Variants in E2F3 observed in about 807,000 individuals in gnomAD.
E2F3 encodes E2F transcription factor 3.
In E2F3, 11 loss-of-function variants were observed where a neutral mutation model predicts 44.4. The ratio of observed to expected loss-of-function variants is 0.25; its 90% CI spans 0.16 to 0.41. The LOEUF (loss-of-function observed/expected upper bound fraction) is 0.41, where lower values mean the gene tolerates loss of function less well. Among genes scored for constraint, E2F3 ranks in the 10% least tolerant of loss-of-function variants. E2F3 has a pLI of 1.00. For missense variants in E2F3, 487 were observed against 583.6 expected (o/e 0.83, Z 1.70); for synonymous variants, 249 against 253.0 (o/e 0.98, Z 0.15).
intron 1 of E2F3, among the ~76,000 whole-genome samples, chr6:20,454,768 A>G (rs1581620813): frequency 1.3e-5 from 2 of 152,296 alleles, no homozygotes; most frequent in Admixed American, 1.3e-4. Flanking sequence ...ACTTCTGATG[A>G]CTGTTAGCCA....
chr6:20,411,201 GA>G (rs1759658837), intron 1 of E2F3, among the ~76,000 whole-genome samples: 1 of 152,176 alleles, frequency 6.6e-6, no homozygotes, highest in African/African-American at 2.4e-5. Context: ...CTACTAGCAT[GA>G]ATGACACTAT....
At chr6:20,444,983 T>C (rs2127597808) in intron 1 of E2F3, 4 of 720,414 alleles carry the variant, frequency 5.6e-6, no homozygotes, top group South Asian at 6.3e-5. Flanking sequence ...CCCTGTCATA[T>C]AATAGATGCT....
intron 1 of E2F3, among the ~76,000 whole-genome samples, chr6:20,431,202 A>T (rs1156855269): frequency 6.6e-6 from 1 of 152,116 alleles, no homozygotes; most frequent in East Asian, 1.9e-4. Context: ...GGTGGGAGGA[A>T]TGCAACTGTC....
In E2F3 at chr6:20,490,117, C is replaced by A. The variant is rs745516477; in HGVS notation, c.1136-51C>A. On this transcript the variant is annotated intron_variant, in intron 6 of 6. Coordinates refer to ENST00000346618, the MANE Select transcript of E2F3 (RefSeq NM_001949.5). This position sits in a 1 kb window ranked among gnomAD's most constrained non-coding sequence, Gnocchi z 4.3. ...ACATATACATTCTTCCAGAAAAATT[C>A]ATTTGATTTTTCTAACTTATTTTTT... 4 of 1,513,960 alleles carry A rather than the reference C, an allele frequency of 2.6e-6. No individual in the cohort carries two copies. The highest frequency in any genetic ancestry group is 3.5e-6 in the Non-Finnish European group (4 of 1,127,174). The allele number at this position is 1,513,960 out of a possible 1,614,324, so 93.8% of individuals were successfully genotyped here. A position where few individuals can be genotyped will look rare whatever the true frequency, so the allele number is the denominator to read the frequency against.
chr6:20,421,046 T>G (rs1261998531), intron 1 of E2F3, among the ~76,000 whole-genome samples: 1 of 152,222 alleles, frequency 6.6e-6, no homozygotes, highest in Non-Finnish European at 1.5e-5. Context: ...ATCGCTTTAT[T>G]TGCTTATCCG....
intron 1 of E2F3, among the ~76,000 whole-genome samples, chr6:20,421,204 A>G (rs193266451): frequency 6.6e-6 from 1 of 152,282 alleles, no homozygotes; most frequent in Admixed American, 6.5e-5. Flanking sequence ...TGTCATCCAT[A>G]AGGGTTGGGA....
rs770999810 is a variant in E2F3, at chr6:20,402,250, G to C, written c.18G>C (p.Gln6His). The change falls in exon 1 of 7, where the codon CAG becomes CAC. Residue 6 changes from glutamine (Q) to histidine (H), a missense_variant. This residue lies in a region of E2F3 where 238 missense variants were observed against 236.0 expected (regional missense o/e 1.01). Transcript: ENST00000346618. The surrounding 1 kb of genome is among the most constrained non-coding windows in gnomAD (Gnocchi z 5.6). ...AGCGAGAGATGAGAAAGGGAATCCAGCCCGCTCTGGAGCAGTACCTGGTGA... is the reference window on the plus strand; with the variant it reads ...AGCGAGAGATGAGAAAGGGAATCCACCCCGCTCTGGAGCAGTACCTGGTGA... Reference protein sequence around the residue: MRKGIQPALEQYLVTA... With the variant: MRKGIHPALEQYLVTA... 1.7e-5 allele frequency: 27 copies of C among 1,597,306 alleles called. No individual in the cohort carries two copies. In the Admixed American group the frequency reaches 2.6e-4, roughly 15 times the overall value.
At chr6:20,436,044 G>T (rs1162568618) in intron 1 of E2F3, among the ~76,000 whole-genome samples, 2 of 147,914 alleles carry the variant, frequency 1.4e-5, no homozygotes, top group Non-Finnish European at 3.0e-5. Context: ...GCAGTGGTGT[G>T]ATCTCAGCTC....
At chr6:20,404,788 G>A (rs6456349) in intron 1 of E2F3, among the ~76,000 whole-genome samples, 106,564 of 151,952 alleles carry the variant, frequency 0.7, 37,775 homozygotes, top group African/African-American at 0.81. Context: ...CTTAGACATA[G>A]CAGTATCCGG....
chr6:20,449,622 T>A (rs1413837944), intron 1 of E2F3, among the ~76,000 whole-genome samples: 1 of 152,210 alleles, frequency 6.6e-6, no homozygotes, highest in Non-Finnish European at 1.5e-5. Context: ...CCCTCCTTTT[T>A]TTAACTTTTA....
At chr6:20,428,217 T>C (rs867007740) in intron 1 of E2F3, among the ~76,000 whole-genome samples, 4 of 152,068 alleles carry the variant, frequency 2.6e-5, no homozygotes, top group African/African-American at 7.2e-5. Flanking sequence ...CTTCCTCTTT[T>C]ATTTTTTATT....
At chr6:20,434,966 C>A (rs2127594278) in intron 1 of E2F3, among the ~76,000 whole-genome samples, 1 of 152,358 alleles carries the variant, frequency 6.6e-6, no homozygotes, top group East Asian at 1.9e-4. Context: ...GGCACAGGAA[C>A]ATGGCGCCAG....
intron 1 of E2F3, among the ~76,000 whole-genome samples, chr6:20,443,213 C>G (rs1030058273): frequency 6.6e-6 from 1 of 152,118 alleles, no homozygotes; most frequent in African/African-American, 2.4e-5. Context: ...CACGGCTGCC[C>G]CTCTTGGCTC....
intron 1 of E2F3, among the ~76,000 whole-genome samples, chr6:20,403,289 C>T (rs930080059): frequency 2.4e-4 from 36 of 152,180 alleles, no homozygotes; most frequent in Non-Finnish European, 4.1e-4. Context: ...GTGAGGGGCT[C>T]GCGGGCTGGC....
At chr6:20,484,088 G>C (rs552337230) in intron 4 of E2F3, among the ~76,000 whole-genome samples, 2 of 152,280 alleles carry the variant, frequency 1.3e-5, no homozygotes, top group South Asian at 4.1e-4. Flanking sequence ...GTTTGGTTGG[G>C]AGCCCCATTG....
intron 1 of E2F3, among the ~76,000 whole-genome samples, chr6:20,444,556 C>T (rs193118414): frequency 1.3e-5 from 2 of 152,164 alleles, no homozygotes; most frequent in African/African-American, 2.4e-5. Context: ...AAAGTCTAGT[C>T]GTGGGTCTGT....
chr6:20,432,939 A>G (rs1052477132), intron 1 of E2F3, among the ~76,000 whole-genome samples: 1 of 152,162 alleles, frequency 6.6e-6, no homozygotes, highest in African/African-American at 2.4e-5. Flanking sequence ...GCTCCTTGTC[A>G]TCTATTGACT....
At chr6:20,420,437 TG>T (rs397886406) in intron 1 of E2F3, among the ~76,000 whole-genome samples, 1 of 138,286 alleles carries the variant, frequency 7.2e-6, no homozygotes, top group African/African-American at 3.1e-5. Context: ...GGGCTTTCTC[TG>T]GTGTGTGTGT....
At chr6:20,480,803 A>G (rs978637817) in intron 2 of E2F3, among the ~76,000 whole-genome samples, 56 of 152,320 alleles carry the variant, frequency 3.7e-4, no homozygotes, top group Non-Finnish European at 5.9e-5. Context: ...CTGCAGTGCT[A>G]GTGAGACTCA....
Sources: gnomAD v4.1 joint callset for allele counts (sites outside exome capture counted in the v4.1 genomes callset) on GRCh38, gnomAD v4.1.1 for gene constraint, gnomAD v4.1.1 regional missense constraint, Gnocchi (gnomAD v3.1) non-coding constraint, MANE v1.5 for transcripts, NCBI Gene and HGNC (gene_info 2026-07-23, HGNC 2026-07-21) for gene names.